Variants in ADAMTS6 observed in about 807,000 individuals in gnomAD.
The protein encoded by ADAMTS6 is ADAM metallopeptidase with thrombospondin type 1 motif 6, also known as A disintegrin and metalloproteinase with thrombospondin motifs 6.
Under a neutral mutation model 144.3 loss-of-function variants are expected in ADAMTS6, and 23 were observed. That is an observed-to-expected ratio of 0.16 (90% CI 0.11 to 0.23). ADAMTS6 has a LOEUF of 0.23. Among genes scored for constraint, ADAMTS6 ranks in the 10% least tolerant of loss-of-function variants. The probability of loss-of-function intolerance (pLI) is 1.00; values close to 1 mark genes in which losing one functional copy is unlikely to be tolerated. For missense variants in ADAMTS6, 999 were observed against 1,379.6 expected (o/e 0.72, Z 4.37); for synonymous variants, 444 against 457.5 (o/e 0.97, Z 0.38).
chr5:65,172,421 A>G lies in ADAMTS6; in HGVS notation c.3087+411T>C, dbSNP rs564319676. 1.8e-4 allele frequency among the ~76,000 whole-genome samples: 27 copies of G among 151,920 alleles called. No homozygotes were observed. In the East Asian group the frequency reaches 3.7e-3, roughly 21 times the overall value. ...AGAGTGAGACTCCATCTCAAAAGAA[A>G]AAAAAAAAAGAGTAATTATCTCTAT... On this transcript the variant is annotated intron_variant, in intron 23 of 24. Coordinates refer to ENST00000381055, the MANE Select transcript of ADAMTS6 (RefSeq NM_197941.4).
intron 24 of ADAMTS6, 29 bp downstream of exon 24, chr5:65,170,588 C>A: frequency 6.2e-7 from 1 of 1,610,790 alleles, no homozygotes; most frequent in Middle Eastern, 1.7e-4. Context: ...CATTAGAAAC[C>A]ACAGGCCCCT....
rs1024055754 is a variant in ADAMTS6, at chr5:65,323,580, G to A, written c.1223+5798C>T. ...GTGAATAATGCCGCTATAAACATAC[G>A]TGTGCATGTGTCTTTATAGCAGCAT... is the stretch of plus-strand genomic sequence containing the variant. On this transcript the variant is annotated intron_variant, in intron 9 of 24. Transcript: ENST00000381055. 1.6e-4 allele frequency among the ~76,000 whole-genome samples: 24 copies of A among 151,950 alleles called. 1 individual carries two copies. The highest frequency in any genetic ancestry group is 5.1e-4 in the African/African-American group (21 of 41,356).
intron 20 of ADAMTS6, among the ~76,000 whole-genome samples, chr5:65,211,879 A>G (rs1193466824): frequency 6.6e-6 from 1 of 152,194 alleles, no homozygotes; most frequent in Non-Finnish European, 1.5e-5. Context: ...AAGGTGCTCA[A>G]TAAGGTGCAC....
intron 7 of ADAMTS6, among the ~76,000 whole-genome samples, chr5:65,356,927 G>A (rs983174963): frequency 2.0e-5 from 3 of 151,626 alleles, no homozygotes; most frequent in Non-Finnish European, 4.4e-5. Context: ...TTTAAATGAA[G>A]GTATTTTTCA....
intron 7 of ADAMTS6, among the ~76,000 whole-genome samples, chr5:65,381,668 G>A (rs536364164): frequency 6.6e-6 from 1 of 150,838 alleles, no homozygotes; most frequent in South Asian, 2.1e-4. Flanking sequence ...TTACAAGTGT[G>A]AGCCACTATG....
chr5:65,465,002 C>T (rs1759892783), intron 3 of ADAMTS6, among the ~76,000 whole-genome samples: 1 of 152,182 alleles, frequency 6.6e-6, no homozygotes, highest in Non-Finnish European at 1.5e-5. Context: ...ATCCAGCTGG[C>T]TAAACCACAA....
chr5:65,306,071 C>A (rs189259645), intron 9 of ADAMTS6, among the ~76,000 whole-genome samples: 4 of 152,172 alleles, frequency 2.6e-5, no homozygotes, highest in Non-Finnish European at 5.9e-5. Context: ...AAACTCACTG[C>A]GTGTGCAGCA....
At chr5:65,411,239 G>A (rs918063357) in intron 7 of ADAMTS6, among the ~76,000 whole-genome samples, 1 of 152,108 alleles carries the variant, frequency 6.6e-6, no homozygotes, top group Non-Finnish European at 1.5e-5. Flanking sequence ...TTGCTGTGCT[G>A]CAGTGAACAT....
At chr5:65,208,358 T>C (rs1169572171) in intron 20 of ADAMTS6, among the ~76,000 whole-genome samples, 1 of 152,162 alleles carries the variant, frequency 6.6e-6, no homozygotes, top group African/African-American at 2.4e-5. Flanking sequence ...GGGGACAAAG[T>C]ATCATCATTG....
chr5:65,341,733 G>T (rs1459032437), intron 7 of ADAMTS6, among the ~76,000 whole-genome samples: 2 of 152,060 alleles, frequency 1.3e-5, no homozygotes, highest in African/African-American at 2.4e-5. Context: ...CCAAGACCAG[G>T]TGACTTCACC....
At chr5:65,441,615 A>G (rs759801668) in intron 7 of ADAMTS6, among the ~76,000 whole-genome samples, 2 of 152,160 alleles carry the variant, frequency 1.3e-5, no homozygotes, top group Admixed American at 1.3e-4. Flanking sequence ...CAATAGCAGA[A>G]TGCACATTCT....
At chr5:65,207,055 T>C (rs1334389324) in intron 20 of ADAMTS6, among the ~76,000 whole-genome samples, 1 of 152,198 alleles carries the variant, frequency 6.6e-6, no homozygotes, top group East Asian at 1.9e-4. Context: ...TCATTTAGTA[T>C]ATGTAAAATA....
At chr5:65,367,812 G>T (rs1483580703) in intron 7 of ADAMTS6, among the ~76,000 whole-genome samples, 1 of 151,454 alleles carries the variant, frequency 6.6e-6, no homozygotes, top group Non-Finnish European at 1.5e-5. Context: ...GAACAAACTG[G>T]CAACTGTTGT....
At chr5:65,321,867 C>T (rs557031285) in intron 9 of ADAMTS6, among the ~76,000 whole-genome samples, 11 of 152,062 alleles carry the variant, frequency 7.2e-5, no homozygotes, top group Admixed American at 7.2e-4. Flanking sequence ...AGGCATGTGC[C>T]ACCATGCCTG....
chr5:65,297,826 T>G (rs1742989992), intron 10 of ADAMTS6, among the ~76,000 whole-genome samples: 1 of 152,136 alleles, frequency 6.6e-6, no homozygotes, highest in Non-Finnish European at 1.5e-5. Context: ...AAGCCAAGTT[T>G]TCCCCAAGTC....
chr5:65,184,739 A>C (rs1754566345), intron 22 of ADAMTS6, among the ~76,000 whole-genome samples: 1 of 152,210 alleles, frequency 6.6e-6, no homozygotes, highest in African/African-American at 2.4e-5. Context: ...GATATGCGAA[A>C]GCTGTGGCTT....
intron 20 of ADAMTS6, among the ~76,000 whole-genome samples, chr5:65,213,241 C>T (rs1312658026): frequency 2.1e-4 from 28 of 135,350 alleles, no homozygotes; most frequent in Admixed American, 2.1e-3. Flanking sequence ...CAGTAGAGTA[C>T]ATTAATATAT....
rs1284572680 is a variant in ADAMTS6 at position 65,471,055 on chromosome 5, T to C, written c.185A>G (p.Lys62Arg). ...QNGAFLSFTV[K>R]NDKHSRRRRS... ...TCTTCTCCTTGAGTGTTTATCATTT[T>C]TCACAGTAAAGCTGAGAAATGCTCC... Residue 62 changes from lysine to arginine, a missense_variant, in exon 3 of 25, where the codon AAA becomes AGA. By Grantham distance (26) the Lys-to-Arg change is conservative (BLOSUM62 2). Around this residue, in one of 3 missense-constraint regions of ADAMTS6, gnomAD observed 252 missense variants for 293.7 expected, o/e 0.86. Transcript: ENST00000381055. The C allele has an allele frequency of 6.2e-7, 1 of 1,611,630 alleles. No homozygotes were observed. The highest frequency in any genetic ancestry group is 1.7e-5 in the Admixed American group (1 of 59,564).
At chr5:65,169,039 T>C (rs1391516614) in intron 24 of ADAMTS6, among the ~76,000 whole-genome samples, 3 of 106,062 alleles carry the variant, frequency 2.8e-5, no homozygotes, top group Non-Finnish European at 5.8e-5. Context: ...ACAAATGGGA[T>C]CTAATTAAAC....
Sources: allele counts gnomAD v4.1 joint callset (sites outside exome capture counted in the v4.1 genomes callset), GRCh38; gene constraint gnomAD v4.1.1; regional missense constraint gnomAD v4.1.1; transcripts MANE v1.5; gene names NCBI Gene and HGNC (gene_info 2026-07-23, HGNC 2026-07-21).